The following NR3C2 variants were observed in gnomAD, a reference collection of about 807,000 sequenced individuals.
NR3C2 encodes the protein nuclear receptor subfamily 3 group C member 2.
Under a neutral mutation model 86.4 loss-of-function variants are expected in NR3C2, and 15 were observed. The ratio of observed to expected loss-of-function variants is 0.17; its 90% CI spans 0.12 to 0.27. The LOEUF (loss-of-function observed/expected upper bound fraction) is 0.27. Among genes scored for constraint, NR3C2 ranks in the 10% least tolerant of loss-of-function variants. The pLI is 1.00. For synonymous variants in NR3C2, 458 were observed against 450.5 expected (o/e 1.02, Z -0.21); for missense variants, 960 against 1,195.6 (o/e 0.80, Z 2.91).
At chr4:148,320,732 T>A in intron 2 of NR3C2, among the ~76,000 whole-genome samples, 1 of 152,096 alleles carries the variant, frequency 6.6e-6, no homozygotes, top group Non-Finnish European at 1.5e-5. Context: ...ATCCCCTTTA[T>A]CATTTTTTTA....
At chr4:148,089,491 G>C (rs1014591444) in intron 8 of NR3C2, among the ~76,000 whole-genome samples, 5 of 152,212 alleles carry the variant, frequency 3.3e-5, no homozygotes, top group African/African-American at 1.2e-4. Flanking sequence ...ATGGGGAGAA[G>C]TACTGCTGGA....
At chr4:148,220,272 G>C (rs1737769170) in intron 3 of NR3C2, among the ~76,000 whole-genome samples, 1 of 151,996 alleles carries the variant, frequency 6.6e-6, no homozygotes, top group Non-Finnish European at 1.5e-5. Flanking sequence ...TTTTTTTGTA[G>C]AGACGGGGTC....
chr4:148,445,039 C>G, upstream of NR3C2: 1 of 976,184 alleles, frequency 1.0e-6, no homozygotes, highest in Non-Finnish European at 1.2e-6. Context: ...CGGGAGGAGG[C>G]GGCACCGCGT....
At chr4:148,334,291 C>A (rs892907372) in intron 2 of NR3C2, among the ~76,000 whole-genome samples, 1 of 152,160 alleles carries the variant, frequency 6.6e-6, no homozygotes, top group Non-Finnish European at 1.5e-5. Flanking sequence ...GCCTATAATC[C>A]CAACGCTTTG....
intron 4 of NR3C2, among the ~76,000 whole-genome samples, chr4:148,162,870 G>A (rs541269836): frequency 2.0e-5 from 3 of 152,146 alleles, no homozygotes; most frequent in Non-Finnish European, 2.9e-5. Context: ...AGTATCAGAA[G>A]GGAGTAACAA....
rs556837228 is a variant in NR3C2, at chr4:148,265,934, T to C, written c.1758-5817A>G. Reference sequence around the variant, plus strand: ...TATCCTCATGGAACTTCTATAGTCATGGCGAATAGAGAGACAATACAGAAG... The same window carrying C: ...TATCCTCATGGAACTTCTATAGTCACGGCGAATAGAGAGACAATACAGAAG... On this transcript the variant is annotated intron_variant, in intron 2 of 8. Transcript: ENST00000358102. Among the ~76,000 whole-genome samples, 14 of 152,204 alleles carry C rather than the reference T, an allele frequency of 9.2e-5. No individual in the cohort carries two copies. In the East Asian group the frequency reaches 2.7e-3, roughly 29 times the overall value.
intron 2 of NR3C2, among the ~76,000 whole-genome samples, chr4:148,432,061 T>C (rs945067021): frequency 6.6e-6 from 1 of 152,248 alleles, no homozygotes; most frequent in South Asian, 2.1e-4. Context: ...TTAAAATCAT[T>C]TAAAAATAAG....
At chr4:148,236,620 T>C (rs1023790558) in intron 3 of NR3C2, among the ~76,000 whole-genome samples, 5 of 152,214 alleles carry the variant, frequency 3.3e-5, no homozygotes, top group African/African-American at 1.2e-4. Flanking sequence ...ATAATGCTCA[T>C]ATTTCAATGT....
At chr4:148,275,602 G>A (rs1161570216) in intron 2 of NR3C2, among the ~76,000 whole-genome samples, 1 of 152,000 alleles carries the variant, frequency 6.6e-6, no homozygotes, top group South Asian at 2.1e-4. Flanking sequence ...GGTTAATTGT[G>A]TATTTTTAAT....
chr4:148,392,559 T>C (rs1033793552), intron 2 of NR3C2, among the ~76,000 whole-genome samples: 1 of 152,320 alleles, frequency 6.6e-6, no homozygotes. Context: ...CATGCTCTGC[T>C]GGTCCCCCAG....
At chr4:148,410,351 G>C (rs933254772) in intron 2 of NR3C2, among the ~76,000 whole-genome samples, 2 of 152,164 alleles carry the variant, frequency 1.3e-5, no homozygotes, top group Non-Finnish European at 2.9e-5. Flanking sequence ...TTGAATACAA[G>C]TGATTAAAAT....
chr4:148,357,460 G>A (rs908137959), intron 2 of NR3C2, among the ~76,000 whole-genome samples: 1 of 152,056 alleles, frequency 6.6e-6, no homozygotes, highest in African/African-American at 2.4e-5. Flanking sequence ...ACTATGAAAT[G>A]ACTAGACTAT....
intron 2 of NR3C2, among the ~76,000 whole-genome samples, chr4:148,431,374 C>G (rs1423037585): frequency 1.3e-5 from 2 of 152,104 alleles, no homozygotes; most frequent in Non-Finnish European, 2.9e-5. Flanking sequence ...TTTGATTCTT[C>G]AAAGGAAATT....
At chr4:148,212,140 C>T (rs764336300) in intron 3 of NR3C2, among the ~76,000 whole-genome samples, 19 of 152,166 alleles carry the variant, frequency 1.2e-4, no homozygotes, top group Non-Finnish European at 2.5e-4. Flanking sequence ...AGTTGGGCCC[C>T]GCAGCACTGC....
At chr4:148,206,506 C>A (rs1401907695) in intron 3 of NR3C2, among the ~76,000 whole-genome samples, 1 of 152,184 alleles carries the variant, frequency 6.6e-6, no homozygotes, top group African/African-American at 2.4e-5. Flanking sequence ...TCTAAACCTG[C>A]CAGTTTCCCC....
intron 2 of NR3C2, among the ~76,000 whole-genome samples, chr4:148,339,004 T>C (rs1338218501): frequency 1.3e-5 from 2 of 152,162 alleles, no homozygotes; most frequent in African/African-American, 4.8e-5. Flanking sequence ...CACTTGTGAC[T>C]GAAAAGAAAA....
chr4:148,374,745 T>G lies in NR3C2; in HGVS notation c.1757+60359A>C, dbSNP rs1167391597. On this transcript the variant is annotated intron_variant, in intron 2 of 8. Transcript: ENST00000358102. The stretch of plus-strand genomic sequence containing the variant: ...AAATCCCCCTAAAATTAAAAATATA[T>G]GACACTACTGAAAAATTCATCCCAG... Among the ~76,000 whole-genome samples, 3 of 152,302 alleles carry G rather than the reference T, an allele frequency of 2.0e-5. No individual in the cohort carries two copies. The East Asian group carries it at 5.8e-4, about 29-fold the overall frequency.
At chr4:148,400,513 G>C (rs545725852) in intron 2 of NR3C2, among the ~76,000 whole-genome samples, 3 of 152,024 alleles carry the variant, frequency 2.0e-5, no homozygotes, top group Non-Finnish European at 4.4e-5. Flanking sequence ...AGGCATGGTG[G>C]CTCACACCTA....
At chr4:148,153,188 T>C (rs1734183730) in intron 5 of NR3C2, among the ~76,000 whole-genome samples, 1 of 151,642 alleles carries the variant, frequency 6.6e-6, no homozygotes, top group Non-Finnish European at 1.5e-5. Context: ...TTCTTTATTT[T>C]ATTTATTTAT....
Sources: allele counts gnomAD v4.1 joint callset (sites outside exome capture counted in the v4.1 genomes callset), GRCh38; gene constraint gnomAD v4.1.1; transcripts MANE v1.5; gene names NCBI Gene and HGNC (gene_info 2026-07-23, HGNC 2026-07-21).